TMCC1: variants seen among roughly 807,000 people sequenced by gnomAD.
TMCC1 encodes transmembrane and coiled-coil domain family 1.
A neutral mutation model predicts 52.4 loss-of-function variants in TMCC1; 15 were observed. That is an observed-to-expected ratio of 0.29 (90% CI 0.19 to 0.44). The LOEUF is 0.44. Ranked by LOEUF, TMCC1 falls within the 20% of genes least tolerant of loss-of-function variation. The pLI, the probability that TMCC1 is intolerant of heterozygous loss-of-function variation, is 1.00. For missense variants in TMCC1, 503 were observed against 806.0 expected (o/e 0.62, Z 4.55); for synonymous variants, 279 against 301.9 (o/e 0.92, Z 0.79).
intron 4 of TMCC1, among the ~76,000 whole-genome samples, chr3:129,713,446 A>G (rs900786606): frequency 6.6e-6 from 1 of 152,220 alleles, no homozygotes; most frequent in African/African-American, 2.4e-5. Context: ...TATAAATGAT[A>G]AATGTAAATG....
intron 4 of TMCC1, among the ~76,000 whole-genome samples, chr3:129,675,723 A>G (rs2088367888): frequency 6.6e-6 from 1 of 152,122 alleles, no homozygotes; most frequent in African/African-American, 2.4e-5. Context: ...ACACTTGGCT[A>G]GCTAACCTTC....
intron 2 of TMCC1, among the ~76,000 whole-genome samples, chr3:129,877,934 CT>C (rs1338198338): frequency 1.3e-5 from 2 of 148,462 alleles, no homozygotes; most frequent in African/African-American, 2.5e-5. Context: ...CCGTGACCAG[CT>C]TTTTTTTTAA....
At chr3:129,663,749 A>G (rs188822566) in intron 5 of TMCC1, among the ~76,000 whole-genome samples, 81 of 152,310 alleles carry the variant, frequency 5.3e-4, no homozygotes, top group Admixed American at 5.2e-3. Context: ...AGACTTGGTA[A>G]TGACAGCTTT....
At chr3:129,759,710 CTTTTTTTTTTT>C (rs61519484) in intron 4 of TMCC1, among the ~76,000 whole-genome samples, 6 of 37,194 alleles carry the variant, frequency 1.6e-4, no homozygotes, top group African/African-American at 3.3e-4. Context: ...GCCAGCCAAA[CTTTTTTTTTTT>C]TTTTTTTTTT....
At chr3:129,753,997 A>G in intron 4 of TMCC1, among the ~76,000 whole-genome samples, 1 of 152,004 alleles carries the variant, frequency 6.6e-6, no homozygotes, top group East Asian at 1.9e-4. Flanking sequence ...AAAAAACTCA[A>G]CCTTCTTGAA....
At chr3:129,803,053 G>C (rs974777345) in intron 4 of TMCC1, among the ~76,000 whole-genome samples, 1 of 152,192 alleles carries the variant, frequency 6.6e-6, no homozygotes, top group Non-Finnish European at 1.5e-5. Context: ...AGAGAAAGGA[G>C]CCAAATTCTT....
chr3:129,690,631 C>A (rs2046960883), intron 4 of TMCC1, among the ~76,000 whole-genome samples: 1 of 152,048 alleles, frequency 6.6e-6, no homozygotes, highest in Non-Finnish European at 1.5e-5. Context: ...CATTTAATTG[C>A]TAATGTGAAG....
At chr3:129,768,625 G>T (rs1364203183) in intron 4 of TMCC1, among the ~76,000 whole-genome samples, 1 of 152,154 alleles carries the variant, frequency 6.6e-6, no homozygotes, top group Non-Finnish European at 1.5e-5. Context: ...TCTGGTTTAG[G>T]ACTGTGCACA....
At chr3:129,682,912 C>T (rs1487020337) in intron 4 of TMCC1, among the ~76,000 whole-genome samples, 1 of 152,154 alleles carries the variant, frequency 6.6e-6, no homozygotes, top group Non-Finnish European at 1.5e-5. Flanking sequence ...CTCGGCTCAC[C>T]GCAATCTCCG....
At chr3:129,881,500 A>G (rs1459493146) in intron 1 of TMCC1, among the ~76,000 whole-genome samples, 1 of 151,944 alleles carries the variant, frequency 6.6e-6, no homozygotes, top group Non-Finnish European at 1.5e-5. Flanking sequence ...GAATAATCAT[A>G]TAAAAAAAAC....
rs116045351 is a variant in TMCC1 at position 129,791,075 on chromosome 3, T to C, written c.576+36728A>G. Among the ~76,000 whole-genome samples the C allele has an allele frequency of 4.4e-3, 667 of 150,104 alleles. 8 individuals are homozygous for C. The highest frequency in any genetic ancestry group is 0.015 in the African/African-American group (633 of 41,088). Reference sequence around the variant, plus strand: ...TCAGAGATCATGATAGAGAGAATGATTGACACTCCATAATTTTTTTTTTTT... The same window carrying C: ...TCAGAGATCATGATAGAGAGAATGACTGACACTCCATAATTTTTTTTTTTT... On this transcript the variant is annotated intron_variant, in intron 4 of 6. Coordinates refer to ENST00000393238, the MANE Select transcript of TMCC1 (RefSeq NM_001017395.5).
At chr3:129,863,636 CG>C (rs1418504470) in intron 2 of TMCC1, among the ~76,000 whole-genome samples, 2 of 152,086 alleles carry the variant, frequency 1.3e-5, no homozygotes, top group Non-Finnish European at 2.9e-5. Context: ...CCGAGGCAGA[CG>C]GATCACCTGA....
chr3:129,673,679 C>T (rs895996054), intron 4 of TMCC1, among the ~76,000 whole-genome samples: 8 of 152,146 alleles, frequency 5.3e-5, no homozygotes, highest in African/African-American at 1.9e-4. Context: ...GGGGAAACCC[C>T]ATCTCTACAG....
intron 2 of TMCC1, among the ~76,000 whole-genome samples, chr3:129,878,120 A>G (rs2061308080): frequency 6.6e-6 from 1 of 151,270 alleles, no homozygotes; most frequent in African/African-American, 2.4e-5. Context: ...CACCATGCCT[A>G]GGTAATTTTT....
chr3:129,655,961 G>A (rs890898024), intron 5 of TMCC1, among the ~76,000 whole-genome samples: 5 of 152,214 alleles, frequency 3.3e-5, no homozygotes, highest in African/African-American at 1.2e-4. Flanking sequence ...AGAAATGGAT[G>A]ATAAATGTAC....
intron 1 of TMCC1, among the ~76,000 whole-genome samples, chr3:129,886,932 G>A (rs746688783): frequency 2.0e-5 from 3 of 151,944 alleles, no homozygotes; most frequent in South Asian, 2.1e-4. Context: ...GTGAGACTCC[G>A]TCTCAAATAA....
chr3:129,736,763 A>G (rs1036066964), intron 4 of TMCC1, among the ~76,000 whole-genome samples: 2 of 151,778 alleles, frequency 1.3e-5, no homozygotes, highest in Admixed American at 6.6e-5. Flanking sequence ...CTCATGATCC[A>G]CCTGGCTCAG....
At chr3:129,718,554 C>T (rs1049946327) in intron 4 of TMCC1, among the ~76,000 whole-genome samples, 4 of 152,082 alleles carry the variant, frequency 2.6e-5, no homozygotes, top group African/African-American at 7.2e-5. Flanking sequence ...TGAAGTGCTC[C>T]CAAGAAGCAG....
At chr3:129,662,845 C>G (rs149495238) in intron 5 of TMCC1, among the ~76,000 whole-genome samples, 4 of 152,206 alleles carry the variant, frequency 2.6e-5, no homozygotes, top group Middle Eastern at 3.4e-3. Flanking sequence ...TAAATTGTTA[C>G]AACCCAAAGA....
Sources: gnomAD v4.1 joint callset for allele counts (sites outside exome capture counted in the v4.1 genomes callset) on GRCh38, gnomAD v4.1.1 for gene constraint, MANE v1.5 for transcripts, NCBI Gene and HGNC (gene_info 2026-07-23, HGNC 2026-07-21) for gene names.